PHACTR4: variants seen among roughly 807,000 people sequenced by gnomAD.
The protein encoded by PHACTR4 is phosphatase and actin regulator 4.
PHACTR4 carries 51 observed loss-of-function variants against 72.7 expected under a neutral mutation model. That is an observed-to-expected ratio of 0.70 (90% CI 0.56 to 0.89). PHACTR4 has a LOEUF of 0.89. PHACTR4 is among the 40% of genes least tolerant of loss of function. The pLI is 0.00. For missense variants in PHACTR4, 731 were observed against 861.8 expected, an observed-to-expected ratio of 0.85 and a Z score of 1.90; for synonymous variants, 255 against 302.5, an observed-to-expected ratio of 0.84 and a Z score of 1.63.
At chr1:28,434,806 A>T (rs974494623) in intron 2 of PHACTR4, among the ~76,000 whole-genome samples, 1 of 152,094 alleles carries the variant, frequency 6.6e-6, no homozygotes, top group African/African-American at 2.4e-5. Context: ...TGCTGGGATT[A>T]TAGGAATGAG....
rs114801932 is a variant in PHACTR4 at position 28,490,231 on chromosome 1, G to T, written c.1817-720G>T. 8.9e-3 allele frequency among the ~76,000 whole-genome samples: 1,352 copies of T among 152,242 alleles called. 17 individuals carry two copies. The highest frequency in any genetic ancestry group is 0.031 in the African/African-American group (1,292 of 41,552). ...TATTTGTATCGTTGACAAGAAAATT[G>T]TTTTGTTTAGCCATCCCCAAAGTTA... On this transcript the variant is annotated intron_variant, in intron 10 of 13. Transcript: ENST00000373839.
intron 8 of PHACTR4, among the ~76,000 whole-genome samples, chr1:28,477,983 C>T (rs1362857868): frequency 4.6e-5 from 7 of 152,074 alleles, no homozygotes; most frequent in African/African-American, 1.7e-4. Context: ...CCACCACGCC[C>T]GGCCTAGATC....
At position 28,496,570 on chromosome 1, in the gene PHACTR4, A is replaced by G. The variant is rs776726844; in HGVS notation, c.*21A>G. The G allele has an allele frequency of 6.2e-7, 1 of 1,613,608 alleles. No individual in the cohort carries two copies. Among genetic ancestry groups the G allele is most frequent in the East Asian group, 2.2e-5 (1 of 44,874 alleles). ...CATGATGCCAAAGGTTGAGAGAGGA[A>G]TCAACATGGCTGCTTTGCTGCTTCC... is the stretch of plus-strand genomic sequence containing the variant. On this transcript the variant is annotated 3_prime_UTR_variant, in exon 14 of 14. Coordinates refer to ENST00000373839, the MANE Select transcript of PHACTR4 (RefSeq NM_001048183.3).
At chr1:28,484,591 C>T (rs1323021694) in intron 9 of PHACTR4, among the ~76,000 whole-genome samples, 4 of 148,544 alleles carry the variant, frequency 2.7e-5, no homozygotes, top group Admixed American at 6.7e-5. Flanking sequence ...TATATGTGTA[C>T]GTGTGTGTAT....
intron 2 of PHACTR4, among the ~76,000 whole-genome samples, chr1:28,458,342 T>TTC (rs1658558110): frequency 6.6e-6 from 1 of 152,016 alleles, no homozygotes; most frequent in African/African-American, 2.4e-5. Flanking sequence ...GAGACAGGGT[T>TTC]TCACCTTACT....
intron 1 of PHACTR4, among the ~76,000 whole-genome samples, chr1:28,385,166 C>G (rs909037537): frequency 1.3e-5 from 2 of 151,994 alleles, no homozygotes; most frequent in Admixed American, 6.6e-5. Flanking sequence ...TAGCTGTGTC[C>G]CAGAGATTCT....
In PHACTR4 at chr1:28,384,443, G is replaced by T. The variant is rs549235179; in HGVS notation, c.-39+14618G>T. Among the ~76,000 whole-genome samples the T allele has an allele frequency of 4.0e-4, 61 of 152,236 alleles. No individual in the cohort carries two copies. The South Asian group carries it at 0.013, about 32-fold the overall frequency. On this transcript the variant is annotated intron_variant, in intron 1 of 13. Coordinates refer to ENST00000373839, the MANE Select transcript of PHACTR4 (RefSeq NM_001048183.3). ...ATTTTTTCTAGATTTTCTAGTTTAT[G>T]TACATAGAGGTGTTCATAATATTAT...
At chr1:28,496,061 T>A (rs928190065) in intron 13 of PHACTR4, among the ~76,000 whole-genome samples, 1 of 143,096 alleles carries the variant, frequency 7.0e-6, no homozygotes, top group African/African-American at 2.6e-5. Context: ...TTTTTTTTTT[T>A]TTTTTTTTTT....
chr1:28,496,394 G>A, intron 13 of PHACTR4, 140 bp from the exon 14 acceptor site: 1 of 886,800 alleles, frequency 1.1e-6, no homozygotes. Context: ...AGGAGTATCA[G>A]ATGCAACAGA....
intron 4 of PHACTR4, among the ~76,000 whole-genome samples, chr1:28,464,519 A>G (rs918883903): frequency 5.3e-5 from 8 of 152,108 alleles, no homozygotes; most frequent in Non-Finnish European, 7.4e-5. Flanking sequence ...TTCAAGGCCC[A>G]TTCTGGTAAC....
At chr1:28,470,878 A>T (rs1229343446) in intron 6 of PHACTR4, among the ~76,000 whole-genome samples, 6 of 151,652 alleles carry the variant, frequency 4.0e-5, no homozygotes, top group African/African-American at 1.5e-4. Context: ...TAAAAAAATT[A>T]GTCAGGCATG....
At chr1:28,484,704 A>T (rs1660519738) in intron 9 of PHACTR4, among the ~76,000 whole-genome samples, 1 of 151,356 alleles carries the variant, frequency 6.6e-6, no homozygotes. Flanking sequence ...GCAGTGGCTC[A>T]TGCCTGTAAT....
At chr1:28,430,094 C>A (rs1656146363) in intron 2 of PHACTR4, among the ~76,000 whole-genome samples, 2 of 151,944 alleles carry the variant, frequency 1.3e-5, no homozygotes, top group Admixed American at 1.3e-4. Flanking sequence ...GTGATCTCGG[C>A]TTACTGCAAG....
chr1:28,403,904 A>G (rs914433472), intron 1 of PHACTR4, among the ~76,000 whole-genome samples: 3 of 152,180 alleles, frequency 2.0e-5, no homozygotes, highest in Non-Finnish European at 4.4e-5. Flanking sequence ...ACACGTATCA[A>G]TACTTAATTT....
At chr1:28,468,051 G>A (rs1226415498) in intron 6 of PHACTR4, among the ~76,000 whole-genome samples, 1 of 152,150 alleles carries the variant, frequency 6.6e-6, no homozygotes, top group Non-Finnish European at 1.5e-5. Context: ...ATGTTGGGTG[G>A]AGTGATTCAA....
At chr1:28,491,098 G>C in intron 11 of PHACTR4, 86 bp downstream of exon 11, 1 of 1,373,070 alleles carries the variant, frequency 7.3e-7, no homozygotes, top group Non-Finnish European at 1.0e-6. Flanking sequence ...GCTGGGCACA[G>C]TGGCTTGCGC....
chr1:28,490,303 G>A (rs1422095071), intron 10 of PHACTR4, among the ~76,000 whole-genome samples: 17 of 152,074 alleles, frequency 1.1e-4, no homozygotes, highest in African/African-American at 3.6e-4. Context: ...GGGCCGAGGC[G>A]AGTGGATCAC....
intron 8 of PHACTR4, among the ~76,000 whole-genome samples, chr1:28,479,625 C>T (rs2124520364): frequency 6.6e-6 from 1 of 151,430 alleles, no homozygotes; most frequent in East Asian, 1.9e-4. Flanking sequence ...GTGGCTCACG[C>T]CTATAATCCC....
intron 1 of PHACTR4, among the ~76,000 whole-genome samples, chr1:28,385,055 A>G (rs2124162594): frequency 6.6e-6 from 1 of 152,132 alleles, no homozygotes; most frequent in Non-Finnish European, 1.5e-5. Flanking sequence ...GCTCTTGGTT[A>G]TCTAGTTCTT....
Sources: gnomAD v4.1 joint callset for allele counts (sites outside exome capture counted in the v4.1 genomes callset) on GRCh38, gnomAD v4.1.1 for gene constraint, MANE v1.5 for transcripts, NCBI Gene and HGNC (gene_info 2026-07-23, HGNC 2026-07-21) for gene names.